Variants in SPOCK1 observed in about 807,000 individuals in gnomAD.
SPOCK1 encodes the protein testican-1.
A neutral mutation model predicts 55.3 loss-of-function variants in SPOCK1; 23 were observed. That is an observed-to-expected ratio of 0.42 (90% CI 0.30 to 0.59). SPOCK1 has a LOEUF of 0.59. SPOCK1 is among the 20% of genes least tolerant of loss of function. The pLI is 0.22. For synonymous variants in SPOCK1, 226 were observed against 221.0 expected (o/e 1.02, Z -0.20); for missense variants, 499 against 552.5 (o/e 0.90, Z 0.97).
At chr5:137,476,212 C>T (rs1013495246) in intron 2 of SPOCK1, among the ~76,000 whole-genome samples, 16 of 151,970 alleles carry the variant, frequency 1.1e-4, no homozygotes, top group African/African-American at 3.6e-4. Context: ...TCTGGTAGGG[C>T]CCAAATTATA....
intron 2 of SPOCK1, among the ~76,000 whole-genome samples, chr5:137,359,501 C>T (rs534652823): frequency 9.2e-5 from 14 of 152,320 alleles, no homozygotes; most frequent in South Asian, 8.3e-4. Flanking sequence ...TGAGTATCTA[C>T]GACAGGGCAG....
At chr5:137,407,176 TATAAG>T (rs1438620952) in intron 2 of SPOCK1, among the ~76,000 whole-genome samples, 2 of 152,296 alleles carry the variant, frequency 1.3e-5, no homozygotes, top group Admixed American at 1.3e-4. Flanking sequence ...AAAAAATAGA[TATAAG>T]ATTTTTACTT....
intron 2 of SPOCK1, among the ~76,000 whole-genome samples, chr5:137,346,995 C>G (rs1750571627): frequency 6.6e-6 from 1 of 152,132 alleles, no homozygotes; most frequent in Non-Finnish European, 1.5e-5. Flanking sequence ...TCTGTTACCT[C>G]CAGGGTCCTT....
chr5:136,978,331 C>T lies in SPOCK1; in HGVS notation c.*323G>A. 5.8e-6 allele frequency: 2 copies of T among 342,648 alleles called. No individual in the cohort carries two copies. The highest frequency in any genetic ancestry group is 1.0e-5 in the Non-Finnish European group (2 of 191,380). 21.2% of individuals were successfully genotyped at this position (342,648 alleles called of 1,614,324 possible). ...TTTGACATTTAAGAGGGTTGGGGCT[C>T]CCTGCACTGTCAGAATTCCACGTAA... is the stretch of plus-strand genomic sequence containing the variant. On this transcript the variant is annotated 3_prime_UTR_variant, in exon 11 of 11. Transcript: ENST00000394945.
chr5:137,354,513 C>T (rs1157789524), intron 2 of SPOCK1, among the ~76,000 whole-genome samples: 1 of 152,182 alleles, frequency 6.6e-6, no homozygotes, highest in Non-Finnish European at 1.5e-5. Flanking sequence ...CTGCCACCCC[C>T]AACTGTGAGC....
At chr5:137,231,553 G>T (rs776881129) in intron 3 of SPOCK1, among the ~76,000 whole-genome samples, 9 of 152,334 alleles carry the variant, frequency 5.9e-5, no homozygotes, top group Non-Finnish European at 1.0e-4. Context: ...CCAGGATGTT[G>T]CATGTATCAG....
chr5:137,042,202 A>T (rs1752013222), intron 6 of SPOCK1, among the ~76,000 whole-genome samples: 1 of 152,236 alleles, frequency 6.6e-6, no homozygotes, highest in Non-Finnish European at 1.5e-5. Context: ...AGCCAGCATA[A>T]AAAGGCTATG....
chr5:137,332,803 C>A (rs189248288), intron 2 of SPOCK1, among the ~76,000 whole-genome samples: 1 of 152,040 alleles, frequency 6.6e-6, no homozygotes, highest in Non-Finnish European at 1.5e-5. Flanking sequence ...CAGATGTCTG[C>A]TGAAAAAATG....
intron 3 of SPOCK1, among the ~76,000 whole-genome samples, chr5:137,192,301 C>T (rs1755198335): frequency 6.6e-6 from 1 of 150,566 alleles, no homozygotes; most frequent in Non-Finnish European, 1.5e-5. Flanking sequence ...GGGCTGTGTG[C>T]TGCATGGAGA....
intron 6 of SPOCK1, among the ~76,000 whole-genome samples, chr5:137,044,681 T>A (rs564835610): frequency 1.3e-5 from 2 of 151,898 alleles, no homozygotes; most frequent in East Asian, 1.9e-4. Flanking sequence ...TTAGGGTACA[T>A]GTGCACATTG....
intron 2 of SPOCK1, among the ~76,000 whole-genome samples, chr5:137,475,748 G>A (rs1334878760): frequency 1.3e-5 from 2 of 151,728 alleles, no homozygotes; most frequent in Non-Finnish European, 2.9e-5. Context: ...GGCTAATTTT[G>A]TTTTTTGTAA....
At chr5:137,331,164 GT>G (rs1055843769) in intron 2 of SPOCK1, among the ~76,000 whole-genome samples, 21 of 152,192 alleles carry the variant, frequency 1.4e-4, no homozygotes, top group Non-Finnish European at 2.5e-4. Context: ...CCAAGGGACT[GT>G]TTGTTCCTCT....
At chr5:137,321,569 C>T (rs1286968810) in intron 2 of SPOCK1, among the ~76,000 whole-genome samples, 1 of 151,806 alleles carries the variant, frequency 6.6e-6, no homozygotes, top group Non-Finnish European at 1.5e-5. Flanking sequence ...ATGATATATT[C>T]AAAGTGATTA....
At chr5:137,095,653 C>T (rs1186691890) in intron 5 of SPOCK1, among the ~76,000 whole-genome samples, 1 of 152,234 alleles carries the variant, frequency 6.6e-6, no homozygotes, top group East Asian at 1.9e-4. Context: ...CCCACCAGCA[C>T]TGCTCCTATG....
chr5:137,117,827 G>A (rs1366829642), intron 4 of SPOCK1, among the ~76,000 whole-genome samples: 1 of 152,140 alleles, frequency 6.6e-6, no homozygotes, highest in African/African-American at 2.4e-5. Context: ...CCATACTCTA[G>A]AAGTCAGACA....
At chr5:137,154,009 C>T (rs183597892) in intron 3 of SPOCK1, among the ~76,000 whole-genome samples, 292 of 151,990 alleles carry the variant, frequency 1.9e-3, no homozygotes, top group Admixed American at 0.018. Context: ...ATAATAAGGC[C>T]GGGCATGGTG....
At chr5:137,141,120 C>T (rs984407349) in intron 3 of SPOCK1, among the ~76,000 whole-genome samples, 22 of 152,168 alleles carry the variant, frequency 1.4e-4, no homozygotes, top group African/African-American at 5.1e-4. Flanking sequence ...TGTTTGCCCT[C>T]GGTGCTGTTC....
At chr5:137,204,587 A>G (rs552622864) in intron 3 of SPOCK1, among the ~76,000 whole-genome samples, 1 of 151,982 alleles carries the variant, frequency 6.6e-6, no homozygotes, top group East Asian at 1.9e-4. Flanking sequence ...TACCTCTAAA[A>G]CATACTCCCA....
At chr5:137,472,837 C>T (rs959134222) in intron 2 of SPOCK1, among the ~76,000 whole-genome samples, 1 of 152,214 alleles carries the variant, frequency 6.6e-6, no homozygotes, top group Non-Finnish European at 1.5e-5. Context: ...AAAATGTCCA[C>T]ACAGAATATT....
Sources: gnomAD v4.1 joint callset for allele counts (sites outside exome capture counted in the v4.1 genomes callset) on GRCh38, gnomAD v4.1.1 for gene constraint, MANE v1.5 for transcripts, NCBI Gene and HGNC (gene_info 2026-07-23, HGNC 2026-07-21) for gene names.